Variants in ATF7 observed in about 807,000 individuals in gnomAD.
The protein encoded by ATF7 is activating transcription factor 7.
A neutral mutation model predicts 50.4 loss-of-function variants in ATF7; 10 were observed. That is an observed-to-expected ratio of 0.20 (90% CI 0.12 to 0.34). The LOEUF (loss-of-function observed/expected upper bound fraction) is 0.34, where lower values mean the gene tolerates loss of function less well. Ranked by LOEUF, ATF7 falls within the 10% of genes least tolerant of loss-of-function variation. The pLI is 1.00. For synonymous variants in ATF7, 201 were observed against 226.4 expected (o/e 0.89, Z 1.01); for missense variants, 465 against 613.9 (o/e 0.76, Z 2.56).
At chr12:53,607,391 A>C (rs1473267232) in intron 1 of ATF7, among the ~76,000 whole-genome samples, 3 of 152,226 alleles carry the variant, frequency 2.0e-5, no homozygotes, top group African/African-American at 7.2e-5. Flanking sequence ...TTTATATTAA[A>C]TGTCTTAAAA....
intron 9 of ATF7, among the ~76,000 whole-genome samples, chr12:53,526,068 G>A (rs1306631008): frequency 6.6e-6 from 1 of 152,082 alleles, no homozygotes; most frequent in Non-Finnish European, 1.5e-5. Flanking sequence ...AAGTTAGCCA[G>A]GCATGGTGGC....
chr12:53,599,504 T>C (rs955146521), intron 2 of ATF7, among the ~76,000 whole-genome samples: 2 of 151,678 alleles, frequency 1.3e-5, no homozygotes, highest in African/African-American at 2.4e-5. Context: ...TGGGGAAACA[T>C]GTAGTAAATA....
intron 9 of ATF7, among the ~76,000 whole-genome samples, chr12:53,528,762 T>C (rs1938656953): frequency 6.9e-6 from 1 of 145,356 alleles, no homozygotes; most frequent in South Asian, 2.2e-4. Flanking sequence ...GACTCCATCT[T>C]AAAAAAAAAA....
intron 1 of ATF7, among the ~76,000 whole-genome samples, chr12:53,605,805 T>G (rs1943576232): frequency 6.6e-6 from 1 of 152,220 alleles, no homozygotes; most frequent in South Asian, 2.1e-4. Context: ...AGATCTAGAT[T>G]AAAACTTCAG....
chr12:53,546,219 A>T (rs1211759808), intron 3 of ATF7, among the ~76,000 whole-genome samples: 1 of 151,774 alleles, frequency 6.6e-6, no homozygotes, highest in Non-Finnish European at 1.5e-5. Flanking sequence ...AAACAAACAA[A>T]CAAAAAACAA....
intron 2 of ATF7, among the ~76,000 whole-genome samples, chr12:53,592,619 G>A (rs1592947400): frequency 1.3e-5 from 2 of 152,134 alleles, no homozygotes; most frequent in East Asian, 3.9e-4. Context: ...TGACAGTTAA[G>A]ATACCCAATT....
At chr12:53,552,470 C>T (rs1940433232) in intron 3 of ATF7, 71 bp downstream of exon 3, 2 of 1,178,448 alleles carry the variant, frequency 1.7e-6, no homozygotes, top group Non-Finnish European at 1.3e-6. Context: ...GCTCCCAGTA[C>T]ATCTGGTCTC....
intron 2 of ATF7, chr12:53,574,798 AAG>A (rs1941964146): frequency 4.2e-6 from 1 of 239,376 alleles, no homozygotes. Context: ...GTGGTGAAAA[AAG>A]AGCCTAGCCA....
chr12:53,544,393 T>C (rs1461792793), intron 3 of ATF7, among the ~76,000 whole-genome samples: 2 of 152,188 alleles, frequency 1.3e-5, no homozygotes, highest in African/African-American at 4.8e-5. Flanking sequence ...CTAGAATGAA[T>C]GACAGAAATA....
rs1938325823 is a variant in ATF7 at position 53,524,529 on chromosome 12, T to G, written c.1125+35A>C. The G allele has an allele frequency of 6.2e-7, 1 of 1,607,802 alleles. No individual in the cohort carries two copies. Among genetic ancestry groups the G allele is most frequent in the Admixed American group, 1.7e-5 (1 of 59,218 alleles). ...TGATTCCATCCCACTTTCTGGATTT[T>G]CAACAATTCCAATAAGCATCCAGGA... On this transcript the variant is annotated intron_variant, in intron 10 of 11. Coordinates refer to ENST00000420353, the MANE Select transcript of ATF7 (RefSeq NM_006856.3). This position sits in a 1 kb window ranked among gnomAD's most constrained non-coding sequence, Gnocchi z 4.6.
At chr12:53,558,723 A>C (rs1231482120) in intron 2 of ATF7, among the ~76,000 whole-genome samples, 1 of 152,256 alleles carries the variant, frequency 6.6e-6, no homozygotes, top group Non-Finnish European at 1.5e-5. Context: ...AAAAGTAGCA[A>C]GAAAGAAGAT....
intron 1 of ATF7, among the ~76,000 whole-genome samples, chr12:53,622,300 T>C (rs1944412102): frequency 2.3e-5 from 1 of 42,894 alleles, no homozygotes; most frequent in Admixed American, 3.6e-4. Context: ...AGACTCCATC[T>C]CAAAAATAAT....
At chr12:53,562,262 C>T (rs773966540) in intron 2 of ATF7, among the ~76,000 whole-genome samples, 1 of 152,224 alleles carries the variant, frequency 6.6e-6, no homozygotes, top group Non-Finnish European at 1.5e-5. Flanking sequence ...TATCTGTACA[C>T]AGTAGGTGCT....
chr12:53,547,206 G>T (rs972243197), intron 3 of ATF7, among the ~76,000 whole-genome samples: 1 of 149,496 alleles, frequency 6.7e-6, no homozygotes, highest in African/African-American at 2.5e-5. Flanking sequence ...GGATGGTCTC[G>T]ATCTCCTGAC....
chr12:53,549,130 CA>C (rs1940144287), intron 3 of ATF7, among the ~76,000 whole-genome samples: 1 of 151,262 alleles, frequency 6.6e-6, no homozygotes, highest in South Asian at 2.1e-4. Context: ...ACTAAAAATA[CA>C]AAAAAATTAG....
intron 1 of ATF7, among the ~76,000 whole-genome samples, chr12:53,608,685 C>G (rs1565596294): frequency 6.6e-6 from 1 of 152,134 alleles, no homozygotes; most frequent in Admixed American, 6.6e-5. Context: ...TCTATGGGCT[C>G]TATTTCTTTA....
At chr12:53,609,486 A>G (rs1362866782) in intron 1 of ATF7, among the ~76,000 whole-genome samples, 2 of 151,596 alleles carry the variant, frequency 1.3e-5, no homozygotes, top group Admixed American at 6.6e-5. Flanking sequence ...AAAAAAAAAA[A>G]AATTAGCCAT....
At chr12:53,598,397 G>T (rs1286760607) in intron 2 of ATF7, among the ~76,000 whole-genome samples, 1 of 152,134 alleles carries the variant, frequency 6.6e-6, no homozygotes, top group Non-Finnish European at 1.5e-5. Flanking sequence ...GAATCCAAAA[G>T]AAAGAGGTAG....
At chr12:53,552,059 C>T (rs1940392370) in intron 3 of ATF7, among the ~76,000 whole-genome samples, 1 of 152,134 alleles carries the variant, frequency 6.6e-6, no homozygotes, top group South Asian at 2.1e-4. Flanking sequence ...TGGAAATGTG[C>T]CCTCAATGGT....
Sources: allele counts gnomAD v4.1 joint callset (sites outside exome capture counted in the v4.1 genomes callset), GRCh38; gene constraint gnomAD v4.1.1; non-coding constraint Gnocchi (gnomAD v3.1); transcripts MANE v1.5; gene names NCBI Gene and HGNC (gene_info 2026-07-23, HGNC 2026-07-21).